PCLO: variants seen among roughly 807,000 people sequenced by gnomAD.
The protein encoded by PCLO is protein piccolo.
In PCLO, 82 loss-of-function variants were observed where a neutral mutation model predicts 427.5. That is an observed-to-expected ratio of 0.19 (90% CI 0.16 to 0.23). The LOEUF (loss-of-function observed/expected upper bound fraction) is 0.23. Ranked by LOEUF, PCLO falls within the 10% of genes least tolerant of loss-of-function variation. The pLI, the probability that PCLO is intolerant of heterozygous loss-of-function variation, is 1.00. For synonymous variants in PCLO, 2,357 were observed against 2,155.4 expected, an observed-to-expected ratio of 1.09 and a Z score of -2.59; for missense variants, 6,239 against 6,115.9, an observed-to-expected ratio of 1.02 and a Z score of -0.67.
intron 22 of PCLO, among the ~76,000 whole-genome samples, chr7:82,767,572 T>C (rs1790557425): frequency 6.6e-6 from 1 of 151,952 alleles, no homozygotes; most frequent in Admixed American, 6.6e-5. Context: ...AGAATTAAGA[T>C]AATATAGAGA....
At chr7:83,010,784 C>T (rs1166529744) in intron 3 of PCLO, among the ~76,000 whole-genome samples, 5 of 151,768 alleles carry the variant, frequency 3.3e-5, no homozygotes, top group Non-Finnish European at 7.4e-5. Flanking sequence ...GCCTATAATA[C>T]ATAAATGTCC....
chr7:83,039,274 A>G (rs1788911579), intron 3 of PCLO, among the ~76,000 whole-genome samples: 1 of 152,020 alleles, frequency 6.6e-6, no homozygotes. Flanking sequence ...GGCCAGATCT[A>G]TGAATCCATT....
chr7:83,061,228 A>G, intron 3 of PCLO, among the ~76,000 whole-genome samples: 1 of 152,148 alleles, frequency 6.6e-6, no homozygotes, highest in East Asian at 1.9e-4. Context: ...CTTTTCCCCC[A>G]TTCAACTTGT....
Position 83,135,164 on chromosome 7 carries a change from T to C in PCLO, c.2386A>G (p.Lys796Glu). Residue 796 changes from lysine (K) to glutamate (E), a missense_variant, in exon 3 of 25, where the codon AAA (lysine) becomes GAA (glutamate). Physicochemically the swap from Lys to Glu is moderately conservative, Grantham distance 56. Transcript: ENST00000333891. ...TGTGAGGGTTTGGCAGAGTCTGTTT[T>C]TAGAGGAGGGGTTGTTTTCTCTTCA... The part of the protein sequence containing the change: ...QAEEKTTPPL[K>E]TDSAKPSQSF... The C allele has an allele frequency of 6.2e-7, 1 of 1,613,910 alleles. No individual in the cohort carries two copies.
At chr7:82,825,439 G>A (rs1261222593) in intron 18 of PCLO, among the ~76,000 whole-genome samples, 1 of 151,964 alleles carries the variant, frequency 6.6e-6, no homozygotes, top group Non-Finnish European at 1.5e-5. Flanking sequence ...AGGGTCAAAT[G>A]CTCCAGTTTT....
intron 3 of PCLO, among the ~76,000 whole-genome samples, chr7:82,982,290 A>G (rs977561492): frequency 4.6e-5 from 7 of 152,128 alleles, no homozygotes; most frequent in African/African-American, 1.4e-4. Flanking sequence ...TGCAAACTCA[A>G]TGAAGATCCA....
chr7:82,936,570 G>A (rs1794958105), intron 6 of PCLO, among the ~76,000 whole-genome samples: 1 of 151,534 alleles, frequency 6.6e-6, no homozygotes, highest in African/African-American at 2.4e-5. Flanking sequence ...ATACATTGCT[G>A]GTGGGAATGT....
At position 83,038,059 on chromosome 7, in the gene PCLO, A is replaced by T. The variant is rs1381577720; in HGVS notation, c.3301-71572T>A. ...TATATTTATATATATATCTTTATATATATATTTATATATTTATATATATAT... is the reference window on the plus strand; with the variant it reads ...TATATTTATATATATATCTTTATATTTATATTTATATATTTATATATATAT... On this transcript the variant is annotated intron_variant, in intron 3 of 24. Coordinates refer to ENST00000333891, the MANE Select transcript of PCLO (RefSeq NM_033026.6). Among the ~76,000 whole-genome samples the T allele has an allele frequency of 5.0e-4, 24 of 47,806 alleles. 2 individuals are homozygous for T. In the South Asian group the frequency reaches 0.011, roughly 22 times the overall value. 31.4% of individuals were successfully genotyped at this position (47,806 alleles called of 152,430 possible). A position where few individuals can be genotyped will look rare whatever the true frequency, so the allele number is the denominator to read the frequency against.
At chr7:82,978,724 T>C (rs904465048) in intron 3 of PCLO, among the ~76,000 whole-genome samples, 1 of 152,050 alleles carries the variant, frequency 6.6e-6, no homozygotes, top group African/African-American at 2.4e-5. Flanking sequence ...GAGCAACTAA[T>C]TGGCTGAAGT....
At chr7:83,092,959 A>AAAAAG (rs978731546) in intron 3 of PCLO, among the ~76,000 whole-genome samples, 2 of 151,602 alleles carry the variant, frequency 1.3e-5, no homozygotes, top group Admixed American at 6.6e-5. Flanking sequence ...AAAAAAAAAA[A>AAAAAG]AAAAAGAATG....
intron 6 of PCLO, among the ~76,000 whole-genome samples, chr7:82,932,393 T>C (rs1339194136): frequency 6.6e-6 from 1 of 152,050 alleles, no homozygotes; most frequent in Non-Finnish European, 1.5e-5. Context: ...TATAGGAAGG[T>C]TGATAAACAC....
chr7:83,159,530 T>C (rs1255467754), intron 1 of PCLO, among the ~76,000 whole-genome samples: 1 of 152,084 alleles, frequency 6.6e-6, no homozygotes, highest in Non-Finnish European at 1.5e-5. Flanking sequence ...TGCTAGCTTG[T>C]AACTACTTAT....
At chr7:82,906,130 C>T (rs535467783) in intron 8 of PCLO, among the ~76,000 whole-genome samples, 4 of 151,704 alleles carry the variant, frequency 2.6e-5, no homozygotes, top group South Asian at 4.2e-4. Flanking sequence ...CTTTAAGATT[C>T]GGTTTATTTT....
At chr7:83,059,156 C>G (rs573731512) in intron 3 of PCLO, among the ~76,000 whole-genome samples, 15 of 150,404 alleles carry the variant, frequency 1.0e-4, no homozygotes, top group African/African-American at 3.6e-4. Flanking sequence ...ACCACATTCT[C>G]TCTTCTCTGA....
intron 18 of PCLO, 50 bp downstream of exon 18, chr7:82,826,539 T>C (rs201678384): frequency 2.1e-5 from 25 of 1,209,076 alleles, no homozygotes; most frequent in Admixed American, 5.4e-5. Context: ...CGTGCTTTAA[T>C]TGGTGGTTTA....
intron 3 of PCLO, among the ~76,000 whole-genome samples, chr7:82,998,764 A>C (rs937574702): frequency 2.6e-5 from 4 of 151,888 alleles, no homozygotes; most frequent in Non-Finnish European, 5.9e-5. Context: ...TCCAGCTATC[A>C]AGTAAAAATT....
rs1461772267 is a variant in PCLO at position 82,758,261 on chromosome 7, A to G, written c.*314T>C. 5.0e-6 allele frequency: 1 copy of G among 201,800 alleles called. No individual in the cohort carries two copies. The highest frequency in any genetic ancestry group is 1.1e-4 in the East Asian group (1 of 8,754). The allele number at this position is 201,800 out of a possible 1,614,324, so 12.5% of individuals were successfully genotyped here. A position where few individuals can be genotyped will look rare whatever the true frequency, so the allele number is the denominator to read the frequency against. ...CACATTAATCTTTGAGCCTGTCTTA[A>G]GCTATAGCTCAACTCTACTCAAAGA... On this transcript the variant is annotated 3_prime_UTR_variant, in exon 25 of 25. Transcript: ENST00000333891.
At chr7:82,921,897 A>G (rs1794603987) in intron 6 of PCLO, among the ~76,000 whole-genome samples, 1 of 151,872 alleles carries the variant, frequency 6.6e-6, no homozygotes, top group Non-Finnish European at 1.5e-5. Context: ...AAAACACACA[A>G]TCTTATTAAA....
At chr7:82,978,274 C>A (rs1796067831) in intron 3 of PCLO, among the ~76,000 whole-genome samples, 1 of 151,504 alleles carries the variant, frequency 6.6e-6, no homozygotes, top group African/African-American at 2.4e-5. Context: ...AAAGATCCTA[C>A]AATCTGGGCA....
Sources: allele counts gnomAD v4.1 joint callset (sites outside exome capture counted in the v4.1 genomes callset), GRCh38; gene constraint gnomAD v4.1.1; transcripts MANE v1.5; gene names NCBI Gene and HGNC (gene_info 2026-07-23, HGNC 2026-07-21).